LAMA2: variants seen among roughly 807,000 people sequenced by gnomAD.
LAMA2 encodes laminin subunit alpha 2, also known as laminin subunit alpha-2.
Under a neutral mutation model 364.8 loss-of-function variants are expected in LAMA2, and 269 were observed. The ratio of observed to expected loss-of-function variants is 0.74; its 90% CI spans 0.67 to 0.82. The LOEUF (loss-of-function observed/expected upper bound fraction) is 0.82. Among genes scored for constraint, LAMA2 ranks in the 40% least tolerant of loss-of-function variants. The pLI is 0.00. For synonymous variants in LAMA2, 1,379 were observed against 1,370.6 expected (o/e 1.01, Z -0.14); for missense variants, 3,807 against 3,873.2 (o/e 0.98, Z 0.45).
At position 129,177,832 on chromosome 6, in the gene LAMA2, A is replaced by G. The variant is rs1291963709; in HGVS notation, c.1433A>G (p.Asn478Ser). 6.2e-7 allele frequency: 1 copy of G among 1,613,968 alleles called. No individual in the cohort carries two copies. The highest frequency in any genetic ancestry group is 2.2e-5 in the East Asian group (1 of 44,872). The change falls in exon 10 of 65, where the codon AAT becomes AGT. Residue 478 changes from asparagine to serine, a missense_variant. Transcript: ENST00000421865. Reference protein sequence around the residue: ...ACNCSGLGSKNEDPCFGPCIC... With the variant: ...ACNCSGLGSKSEDPCFGPCIC... ...AACTGCAGTGGGTTAGGGAGCAAAA[A>G]TGAGGATCCTTGTTTTGGCCCCTGT...
chr6:129,019,976 TCAGGAGGCTGAGG>T (rs1476325319), intron 1 of LAMA2, among the ~76,000 whole-genome samples: 1 of 151,556 alleles, frequency 6.6e-6, no homozygotes, highest in Non-Finnish European at 1.5e-5. Flanking sequence ...TCCCAGCTAC[TCAGGAGGCTGAGG>T]CAGGAGAATT....
intron 1 of LAMA2, among the ~76,000 whole-genome samples, chr6:128,910,848 T>C (rs2114454065): frequency 6.6e-6 from 1 of 151,246 alleles, no homozygotes; most frequent in East Asian, 1.9e-4. Context: ...TTAGTTTTCC[T>C]TCTAACAGAC....
chr6:129,348,785 A>G (rs1776701029), intron 30 of LAMA2, among the ~76,000 whole-genome samples: 1 of 152,192 alleles, frequency 6.6e-6, no homozygotes, highest in Non-Finnish European at 1.5e-5. Context: ...ATTAGAAAAG[A>G]TATTATTTTA....
intron 1 of LAMA2, among the ~76,000 whole-genome samples, chr6:128,965,296 G>T (rs544981370): frequency 2.6e-5 from 4 of 152,044 alleles, no homozygotes; most frequent in African/African-American, 9.6e-5. Flanking sequence ...ATTTTGCTCT[G>T]TTTGACATCT....
intron 12 of LAMA2, among the ~76,000 whole-genome samples, chr6:129,221,166 A>AAT (rs1248776209): frequency 1.3e-5 from 2 of 151,604 alleles, no homozygotes; most frequent in Non-Finnish European, 2.9e-5. Context: ...CCATCTCAAA[A>AAT]AAAAAATAAA....
At chr6:129,124,606 A>G (rs1020991882) in intron 4 of LAMA2, among the ~76,000 whole-genome samples, 1 of 152,176 alleles carries the variant, frequency 6.6e-6, no homozygotes, top group Non-Finnish European at 1.5e-5. Flanking sequence ...CTCTTTTAGA[A>G]GTCTCATATG....
intron 1 of LAMA2, among the ~76,000 whole-genome samples, chr6:128,940,769 C>CA (rs967412851): frequency 2.6e-5 from 4 of 152,048 alleles, no homozygotes; most frequent in Non-Finnish European, 5.9e-5. Flanking sequence ...CTGGGTAGCA[C>CA]AATACCTTGT....
chr6:129,360,572 G>A (rs148450117), intron 32 of LAMA2, among the ~76,000 whole-genome samples: 75 of 152,214 alleles, frequency 4.9e-4, no homozygotes, highest in Middle Eastern at 3.4e-3. Flanking sequence ...TGCTTGGAGC[G>A]TACTATAAAA....
chr6:129,131,106 A>G (rs1161931996), intron 4 of LAMA2, among the ~76,000 whole-genome samples: 1 of 152,232 alleles, frequency 6.6e-6, no homozygotes, highest in African/African-American at 2.4e-5. Context: ...CAAATAATTG[A>G]AAACAACCCT....
At position 129,328,301 on chromosome 6, in the gene LAMA2, A is replaced by G. The variant is rs1349439448; in HGVS notation, c.4200A>G (p.Arg1400=). Residue 1400 remains arginine (R), a synonymous_variant, in exon 29 of 65, where the codon CGA becomes CGG. Coordinates refer to ENST00000421865, the MANE Select transcript of LAMA2 (RefSeq NM_000426.4). ...AGGCATGCTTGCCGGGATTTTATCG[A>G]CTGCGTTCTCAACCAGGTGGCCGCA... The part of the protein sequence containing the change: ...SCEACLPGFY[R]LRSQPGGRTP... 3.7e-6 allele frequency: 6 copies of G among 1,614,142 alleles called. No homozygotes were observed. Among genetic ancestry groups the G allele is most frequent in the Non-Finnish European group, 3.4e-6 (4 of 1,180,014 alleles).
intron 3 of LAMA2, among the ~76,000 whole-genome samples, chr6:129,091,148 T>C (rs933661857): frequency 1.3e-5 from 2 of 152,208 alleles, no homozygotes; most frequent in African/African-American, 2.4e-5. Context: ...CTTAGGGACA[T>C]TGAAAATAAG....
chr6:128,917,619 GTATAAT>G lies in LAMA2; in HGVS notation c.112+34268_112+34273del, dbSNP rs537320796. Among the ~76,000 whole-genome samples, 38 of 150,296 alleles carry G rather than the reference GTATAAT, an allele frequency of 2.5e-4. 1 individual carries two copies. The highest frequency in any genetic ancestry group is 4.2e-4 in the South Asian group (2 of 4,770). Reference sequence around the variant, plus strand: ...TCTCCACAACCACTTTACTGAATGTGTATAATTATAAGAATTATTTCATTTTCTTAC... The same window carrying G: ...TCTCCACAACCACTTTACTGAATGTGTATAAGAATTATTTCATTTTCTTAC... On this transcript the variant is annotated intron_variant, in intron 1 of 64. Coordinates refer to ENST00000421865, the MANE Select transcript of LAMA2 (RefSeq NM_000426.4).
chr6:128,923,768 T>C (rs1331051454), intron 1 of LAMA2, among the ~76,000 whole-genome samples: 3 of 152,188 alleles, frequency 2.0e-5, no homozygotes, highest in African/African-American at 7.2e-5. Context: ...TCTTAAAATC[T>C]TAGCATTATA....
At chr6:129,076,375 C>G (rs1428080024) in intron 3 of LAMA2, among the ~76,000 whole-genome samples, 1 of 146,930 alleles carries the variant, frequency 6.8e-6, no homozygotes, top group Non-Finnish European at 1.5e-5. Flanking sequence ...TTGGAAATAC[C>G]TAAACATAGG....
In LAMA2 at chr6:129,056,546, G is replaced by T. The variant is rs1788503605; in HGVS notation, c.284-3238G>T. ...TAATGGAATATTTTTGCCCTGTCTT[G>T]TACAGTCATATTAAGATTTGCAATA... On this transcript the variant is annotated intron_variant, in intron 2 of 64. Coordinates refer to ENST00000421865, the MANE Select transcript of LAMA2 (RefSeq NM_000426.4). Among the ~76,000 whole-genome samples, 3 of 152,200 alleles carry T rather than the reference G, an allele frequency of 2.0e-5. No individual in the cohort carries two copies. In the South Asian group the frequency reaches 6.2e-4, roughly 32 times the overall value.
chr6:129,510,781 A>G (rs1786510624), intron 62 of LAMA2, among the ~76,000 whole-genome samples: 6 of 152,138 alleles, frequency 3.9e-5, no homozygotes, highest in Admixed American at 3.9e-4. Context: ...CATACAAAGT[A>G]GTGGGTGATA....
intron 10 of LAMA2, among the ~76,000 whole-genome samples, chr6:129,185,349 T>C (rs1173790873): frequency 6.6e-6 from 1 of 151,810 alleles, no homozygotes; most frequent in African/African-American, 2.4e-5. Context: ...CACAATAGTA[T>C]CTCACTTCAA....
At chr6:128,892,390 A>G (rs1199592265) in intron 1 of LAMA2, among the ~76,000 whole-genome samples, 3 of 152,038 alleles carry the variant, frequency 2.0e-5, no homozygotes, top group Non-Finnish European at 4.4e-5. Context: ...AGTTATTCAT[A>G]CTTCAAATGT....
chr6:128,891,266 C>A (rs1776435552), intron 1 of LAMA2, among the ~76,000 whole-genome samples: 1 of 152,054 alleles, frequency 6.6e-6, no homozygotes, highest in South Asian at 2.1e-4. Flanking sequence ...CATCCAGTAG[C>A]TATACTGTTA....
Sources: gnomAD v4.1 joint callset for allele counts (sites outside exome capture counted in the v4.1 genomes callset) on GRCh38, gnomAD v4.1.1 for gene constraint, MANE v1.5 for transcripts, NCBI Gene and HGNC (gene_info 2026-07-23, HGNC 2026-07-21) for gene names.